Variants in OSBPL3 observed in about 807,000 individuals in gnomAD.
The protein encoded by OSBPL3 is oxysterol binding protein like 3.
OSBPL3 carries 65 observed loss-of-function variants against 120.1 expected under a neutral mutation model. That is an observed-to-expected ratio of 0.54 (90% CI 0.44 to 0.67). The LOEUF (loss-of-function observed/expected upper bound fraction) is 0.67, where lower values mean the gene tolerates loss of function less well. Among genes scored for constraint, OSBPL3 ranks in the 30% least tolerant of loss-of-function variants. The pLI is 0.00. For synonymous variants in OSBPL3, 416 were observed against 402.6 expected, an observed-to-expected ratio of 1.03 and a Z score of -0.40; for missense variants, 1,004 against 1,082.1, an observed-to-expected ratio of 0.93 and a Z score of 1.01.
intron 2 of OSBPL3, among the ~76,000 whole-genome samples, chr7:24,878,273 A>G (rs916951911): frequency 2.0e-5 from 3 of 152,332 alleles, no homozygotes; most frequent in South Asian, 2.1e-4. Flanking sequence ...AAAACGATTA[A>G]AACTTTTATT....
Position 24,930,620 on chromosome 7 carries a change from T to C in OSBPL3, c.-149-37999A>G, listed in dbSNP as rs1406980073. 6.6e-6 allele frequency among the ~76,000 whole-genome samples: 1 copy of C among 152,156 alleles called. No homozygotes were observed. Among genetic ancestry groups the C allele is most frequent in the Admixed American group, 6.5e-5 (1 of 15,292 alleles). ...TCTTACCTAAGGGGGAAATGAAGAA[T>C]AAAGCCATCAATTCAGTTGGTCATT... On this transcript the variant is annotated intron_variant, in intron 1 of 22. Coordinates refer to ENST00000313367, the MANE Select transcript of OSBPL3 (RefSeq NM_015550.4). This position sits in a 1 kb window ranked among gnomAD's most constrained non-coding sequence, Gnocchi z 4.4.
At position 24,802,468 on chromosome 7, in the gene OSBPL3, C is replaced by G. The variant is rs1379616077; in HGVS notation, c.2567+1847G>C. On this transcript the variant is annotated intron_variant, in intron 22 of 22. Transcript: ENST00000313367. The surrounding 1 kb of genome is among the most constrained non-coding windows in gnomAD (Gnocchi z 4.1). ...CAAAAAGAAAAAGAGCAATGGCCGC[C>G]CCAGCTGAAGCAGCTTTCCGTCCTT... is the stretch of plus-strand genomic sequence containing the variant. 6.6e-6 allele frequency among the ~76,000 whole-genome samples: 1 copy of G among 152,198 alleles called. No individual in the cohort carries two copies. Among genetic ancestry groups the G allele is most frequent in the Non-Finnish European group, 1.5e-5 (1 of 68,032 alleles).
chr7:24,886,386 A>G (rs768038943), intron 2 of OSBPL3, among the ~76,000 whole-genome samples: 4 of 152,236 alleles, frequency 2.6e-5, no homozygotes, highest in Non-Finnish European at 4.4e-5. Context: ...ATAGAAGAAC[A>G]TTTATGGATG....
At position 24,849,227 on chromosome 7, in the gene OSBPL3, A is replaced by T; in HGVS notation, c.1159-51T>A. ...TCTGTTAATAAATGGATGTTTCAGA[A>T]AAGCACAGCAGTGGGCCCTGCAGGA... is the stretch of plus-strand genomic sequence containing the variant. On this transcript the variant is annotated intron_variant, in intron 11 of 22. Coordinates refer to ENST00000313367, the MANE Select transcript of OSBPL3 (RefSeq NM_015550.4). This position sits in a 1 kb window ranked among gnomAD's most constrained non-coding sequence, Gnocchi z 5.4. 7.0e-7 allele frequency: 1 copy of T among 1,433,320 alleles called. No homozygotes were observed. Among genetic ancestry groups the T allele is most frequent in the Non-Finnish European group, 9.8e-7 (1 of 1,021,220 alleles). 88.8% of individuals were successfully genotyped at this position (1,433,320 alleles called of 1,614,324 possible). A position where few individuals can be genotyped will look rare whatever the true frequency, so the allele number is the denominator to read the frequency against.
Position 24,892,521 on chromosome 7 carries a change from CAAGG to C in OSBPL3, c.-53_-50del. The C allele has an allele frequency of 6.3e-7, 1 of 1,593,952 alleles. No individual in the cohort carries two copies. The highest frequency in any genetic ancestry group is 1.1e-5 in the South Asian group (1 of 89,392). ...AGACAATCAAAATGCCATCAGATGA[CAAGG>C]GAGCCGAGAGTATGGAAGTCCCCAG... On this transcript the variant is annotated 5_prime_UTR_variant, in exon 2 of 23. Transcript: ENST00000313367.
intron 1 of OSBPL3, among the ~76,000 whole-genome samples, chr7:24,905,801 T>G (rs796640947): frequency 3.9e-5 from 6 of 152,040 alleles, no homozygotes; most frequent in Non-Finnish European, 7.4e-5. Flanking sequence ...GAGGCCGAGG[T>G]GGGTGGATCA....
Position 24,937,756 on chromosome 7 carries a change from G to T in OSBPL3, c.-150+42130C>A, listed in dbSNP as rs1812597705. 6.6e-6 allele frequency among the ~76,000 whole-genome samples: 1 copy of T among 152,178 alleles called. No homozygotes were observed. Among genetic ancestry groups the T allele is most frequent in the Non-Finnish European group, 1.5e-5 (1 of 68,034 alleles). On this transcript the variant is annotated intron_variant, in intron 1 of 22. Transcript: ENST00000313367. The surrounding 1 kb of genome is among the most constrained non-coding windows in gnomAD (Gnocchi z 4.0). ...ATTCTCCAAGCTGGTTGTTCCAAAT[G>T]ATATTGCCATTAATAAAACATGAGC...
chr7:24,911,217 A>G (rs1274622519), intron 1 of OSBPL3, among the ~76,000 whole-genome samples: 2 of 152,232 alleles, frequency 1.3e-5, no homozygotes, highest in Non-Finnish European at 2.9e-5. Flanking sequence ...AAAGGGTAAG[A>G]AAAGATAGCA....
At position 24,899,977 on chromosome 7, in the gene OSBPL3, T is replaced by C. The variant is rs958091511; in HGVS notation, c.-149-7356A>G. Among the ~76,000 whole-genome samples the C allele has an allele frequency of 6.6e-6, 1 of 152,218 alleles. No individual in the cohort carries two copies. Among genetic ancestry groups the C allele is most frequent in the Non-Finnish European group, 1.5e-5 (1 of 68,038 alleles). On this transcript the variant is annotated intron_variant, in intron 1 of 22. Coordinates refer to ENST00000313367, the MANE Select transcript of OSBPL3 (RefSeq NM_015550.4). The surrounding 1 kb of genome is among the most constrained non-coding windows in gnomAD (Gnocchi z 4.0). The stretch of plus-strand genomic sequence containing the variant: ...GCCTGTAGCTTTCAACCTTTCTTAT[T>C]TGACTCCAAGCCAATCCTTCTATTT...
At chr7:24,864,347 A>G (rs1244120124) in intron 7 of OSBPL3, among the ~76,000 whole-genome samples, 1 of 152,176 alleles carries the variant, frequency 6.6e-6, no homozygotes, top group Non-Finnish European at 1.5e-5. Flanking sequence ...ACCTTGTTAA[A>G]CCACAGCTCG....
rs1024630352 is a variant in OSBPL3, at chr7:24,964,725, T to C, written c.-150+15161A>G. Among the ~76,000 whole-genome samples the C allele has an allele frequency of 6.6e-6, 1 of 152,210 alleles. No homozygotes were observed. Among genetic ancestry groups the C allele is most frequent in the African/African-American group, 2.4e-5 (1 of 41,456 alleles). On this transcript the variant is annotated intron_variant, in intron 1 of 22. Transcript: ENST00000313367. The surrounding 1 kb of genome is among the most constrained non-coding windows in gnomAD (Gnocchi z 4.2). ...TTAATACTGCAACAGTACTGGTCTA[T>C]TAATTGTGACAAAAGTATACTAAGG...
chr7:24,901,142 CAT>C (rs1365869204), intron 1 of OSBPL3, among the ~76,000 whole-genome samples: 5 of 151,956 alleles, frequency 3.3e-5, no homozygotes. Flanking sequence ...GCCTGGCCAA[CAT>C]AGAGAAACCC....
At chr7:24,823,914 G>A (rs1264265138) in intron 16 of OSBPL3, among the ~76,000 whole-genome samples, 1 of 152,128 alleles carries the variant, frequency 6.6e-6, no homozygotes, top group African/African-American at 2.4e-5. Flanking sequence ...AATCTAACCT[G>A]TCTTTGTTAT....
At position 24,936,764 on chromosome 7, in the gene OSBPL3, T is replaced by A. The variant is rs149118360; in HGVS notation, c.-150+43122A>T. Among the ~76,000 whole-genome samples, 7 of 152,326 alleles carry A rather than the reference T, an allele frequency of 4.6e-5. No homozygotes were observed. In the East Asian group the frequency reaches 1.3e-3, roughly 29 times the overall value. ...ATTCTGGAAACAATCGTGAATAACA[T>A]GATAAAAGTTTGCCTGCATTATCCT... On this transcript the variant is annotated intron_variant, in intron 1 of 22. Coordinates refer to ENST00000313367, the MANE Select transcript of OSBPL3 (RefSeq NM_015550.4). The surrounding 1 kb of genome is among the most constrained non-coding windows in gnomAD (Gnocchi z 4.2).
intron 14 of OSBPL3, 131 bp downstream of exon 14, chr7:24,840,559 T>C (rs148479601): frequency 1.6e-3 from 747 of 468,902 alleles, no homozygotes; most frequent in African/African-American, 0.014. Context: ...AGTCAAAAGT[T>C]ATACATGGAT....
rs1794649826 is a variant in OSBPL3 at position 24,817,785 on chromosome 7, T to A, written c.1949-1097A>T. Reference sequence around the variant, plus strand: ...GGGAAGTGAGTGAGCCCAGAAATACTAAAGAAGAAGAAATAGGCACTAGGT... The same window carrying A: ...GGGAAGTGAGTGAGCCCAGAAATACAAAAGAAGAAGAAATAGGCACTAGGT... On this transcript the variant is annotated intron_variant, in intron 17 of 22. Coordinates refer to ENST00000313367, the MANE Select transcript of OSBPL3 (RefSeq NM_015550.4). This position sits in a 1 kb window ranked among gnomAD's most constrained non-coding sequence, Gnocchi z 4.0. Among the ~76,000 whole-genome samples the A allele has an allele frequency of 6.6e-6, 1 of 152,156 alleles. No individual in the cohort carries two copies. The highest frequency in any genetic ancestry group is 2.4e-5 in the African/African-American group (1 of 41,444).
chr7:24,904,916 C>CAGGT (rs1309087924), intron 1 of OSBPL3, among the ~76,000 whole-genome samples: 13 of 103,350 alleles, frequency 1.3e-4, no homozygotes, highest in Admixed American at 8.5e-4. Context: ...TCATAATATA[C>CAGGT]AGGTGTGTGT....
intron 1 of OSBPL3, among the ~76,000 whole-genome samples, chr7:24,954,606 C>A (rs1282743677): frequency 6.6e-6 from 1 of 151,942 alleles, no homozygotes; most frequent in Non-Finnish European, 1.5e-5. Context: ...ACAGAGGGGG[C>A]CAAGATGTAA....
rs368877743 is a variant in OSBPL3 at position 24,956,061 on chromosome 7, T to C, written c.-150+23825A>G. ...AATGAAAATGCCCATTTCCATCAGG[T>C]CCTGGATCAGTCTCCACGGAAAATA... On this transcript the variant is annotated intron_variant, in intron 1 of 22. Coordinates refer to ENST00000313367, the MANE Select transcript of OSBPL3 (RefSeq NM_015550.4). Among the ~76,000 whole-genome samples, 111 of 152,370 alleles carry C rather than the reference T, an allele frequency of 7.3e-4. 4 individuals are homozygous for C. Among genetic ancestry groups the C allele is most frequent in the African/African-American group, 1.9e-3 (79 of 41,596 alleles).
Sources: gnomAD v4.1 joint callset for allele counts (sites outside exome capture counted in the v4.1 genomes callset) on GRCh38, gnomAD v4.1.1 for gene constraint, Gnocchi (gnomAD v3.1) non-coding constraint, MANE v1.5 for transcripts, NCBI Gene and HGNC (gene_info 2026-07-23, HGNC 2026-07-21) for gene names.